The following HSD17B4 variants were observed in gnomAD, a reference collection of about 807,000 sequenced individuals.
The protein encoded by HSD17B4 is peroxisomal multifunctional enzyme type 2.
In HSD17B4, 70 loss-of-function variants were observed where a neutral mutation model predicts 101.0. The observed-to-expected ratio is 0.69, with a 90% CI of 0.57 to 0.85. HSD17B4 has a LOEUF of 0.85. Among genes scored for constraint, HSD17B4 ranks in the 40% least tolerant of loss-of-function variants. HSD17B4 has a pLI of 0.00. For missense variants in HSD17B4, 984 were observed against 892.4 expected, an observed-to-expected ratio of 1.10 and a Z score of -1.31; for synonymous variants, 347 against 297.1, an observed-to-expected ratio of 1.17 and a Z score of -1.73.
chr5:119,474,471 T>C lies in HSD17B4; in HGVS notation c.280+11T>C. The C allele has an allele frequency of 6.4e-7, 1 of 1,565,748 alleles. No individual in the cohort carries two copies. Among genetic ancestry groups the C allele is most frequent in the African/African-American group, 1.4e-5 (1 of 74,062 alleles). ...CTTTTGGAAGAATAGGTGATGTTTC[T>C]TTGTGTTATGGCTCTTGTGGAGCAA... On this transcript the variant is annotated intron_variant, in intron 4 of 23. Transcript: ENST00000510025.
intron 18 of HSD17B4, 131 bp from the exon 19 acceptor site, chr5:119,525,786 G>A (rs1753538875): frequency 1.8e-6 from 1 of 568,990 alleles, no homozygotes. Context: ...TATCTACTGT[G>A]TTTCTTAAAA....
chr5:119,490,679 C>T (rs1271063198), intron 9 of HSD17B4, among the ~76,000 whole-genome samples: 1 of 152,130 alleles, frequency 6.6e-6, no homozygotes, highest in African/African-American at 2.4e-5. Flanking sequence ...AGTGATTCTC[C>T]TGCCTTAGCC....
chr5:119,531,438 G>A, intron 22 of HSD17B4, 34 bp downstream of exon 22: 1 of 1,588,124 alleles, frequency 6.3e-7, no homozygotes, highest in Admixed American at 1.7e-5. Flanking sequence ...AATATTCTAA[G>A]GTAATTCTTA....
At chr5:119,497,238 C>G (rs1371073655) in intron 12 of HSD17B4, among the ~76,000 whole-genome samples, 1 of 152,118 alleles carries the variant, frequency 6.6e-6, no homozygotes, top group Non-Finnish European at 1.5e-5. Context: ...GGTTAGCTGC[C>G]TGAGTGGTGC....
At position 119,509,243 on chromosome 5, in the gene HSD17B4, A is replaced by T; in HGVS notation, c.1436A>T (p.Lys479Met). The change falls in exon 16 of 24, where the codon AAG becomes ATG. Residue 479 changes from lysine to methionine, a missense_variant and splice_region_variant. Transcript: ENST00000510025. Reference sequence around the variant, plus strand: ...GGAAAACGGACATCAGACAAAGTCAAGGTAAGCCATGACTTTGTAAGCAAA... The same window carrying T: ...GGAAAACGGACATCAGACAAAGTCATGGTAAGCCATGACTTTGTAAGCAAA... ...FGGKRTSDKVKVAVAIPNRPP... is the reference protein window; with the variant it reads ...FGGKRTSDKVMVAVAIPNRPP... The T allele has an allele frequency of 6.4e-7, 1 of 1,565,222 alleles. No homozygotes were observed. Among genetic ancestry groups the T allele is most frequent in the Non-Finnish European group, 8.8e-7 (1 of 1,135,388 alleles).
At chr5:119,537,560 G>A (rs1244202658) in intron 23 of HSD17B4, among the ~76,000 whole-genome samples, 3 of 152,100 alleles carry the variant, frequency 2.0e-5, no homozygotes, top group African/African-American at 7.2e-5. Context: ...ACTGTATGGA[G>A]CTTCTTTTAG....
intron 21 of HSD17B4, among the ~76,000 whole-genome samples, chr5:119,530,819 T>TTCTAGC (rs1194911036): frequency 1.5e-5 from 2 of 136,438 alleles, no homozygotes; most frequent in African/African-American, 5.7e-5. Context: ...CACTACTGCA[T>TTCTAGC]TCTAGCCTGG....
In HSD17B4 at chr5:119,454,773, CA is replaced by C. The variant is rs202044393; in HGVS notation, c.59-1541del. Among the ~76,000 whole-genome samples, 469 of 152,134 alleles carry C rather than the reference CA, an allele frequency of 3.1e-3. 14 individuals are homozygous for C. The highest frequency in any genetic ancestry group is 0.028 in the Admixed American group (430 of 15,272). ...AGTAGCTGGGGGTACAGGTGCACAC[CA>C]CCAAGCCCAGCTGATTTTTGTGGTT... On this transcript the variant is annotated intron_variant, in intron 1 of 23. Coordinates refer to ENST00000510025, the MANE Select transcript of HSD17B4 (RefSeq NM_000414.4).
intron 1 of HSD17B4, among the ~76,000 whole-genome samples, chr5:119,453,818 A>G (rs1450110111): frequency 6.6e-6 from 1 of 152,210 alleles, no homozygotes; most frequent in Non-Finnish European, 1.5e-5. Context: ...TTTTAGGAAA[A>G]CATTTTGTTT....
chr5:119,495,801 G>T (rs531801800), intron 11 of HSD17B4: 99 of 164,396 alleles, frequency 6.0e-4, no homozygotes, highest in Non-Finnish European at 1.1e-3. Flanking sequence ...CTCCCAAGTA[G>T]CTGGGATTAC....
At chr5:119,499,055 G>C (rs1373648789) in intron 12 of HSD17B4, among the ~76,000 whole-genome samples, 1 of 152,098 alleles carries the variant, frequency 6.6e-6, no homozygotes, top group Non-Finnish European at 1.5e-5. Flanking sequence ...CTGAATTAGA[G>C]ACAGGAAAGT....
At chr5:119,476,147 A>G (rs1398219562) in intron 6 of HSD17B4, among the ~76,000 whole-genome samples, 2 of 151,992 alleles carry the variant, frequency 1.3e-5, no homozygotes, top group Non-Finnish European at 1.5e-5. Context: ...TTTCTCCTTA[A>G]GAGGTTGTCA....
In HSD17B4 at chr5:119,531,325, T is replaced by G; in HGVS notation, c.1914T>G (p.Ile638Met). The G allele has an allele frequency of 6.2e-7, 1 of 1,613,616 alleles. No individual in the cohort carries two copies. The highest frequency in any genetic ancestry group is 8.5e-7 in the Non-Finnish European group (1 of 1,179,682). The change falls in exon 22 of 24, where the codon ATT (isoleucine) becomes ATG (methionine). Residue 638 changes from isoleucine (I) to methionine (M), a missense_variant. Physicochemically the swap from Ile to Met is conservative, Grantham distance 10. Coordinates refer to ENST00000510025, the MANE Select transcript of HSD17B4 (RefSeq NM_000414.4). ...FEEIGRRLKD[I>M]GPEVVKKVNA... ...AAATAGGACGCCGCCTAAAGGATAT[T>G]GGGCCTGAGGTGGTGAAGAAAGTAA...
intron 2 of HSD17B4, among the ~76,000 whole-genome samples, chr5:119,461,457 A>G (rs1341026499): frequency 6.6e-6 from 1 of 152,246 alleles, no homozygotes; most frequent in Non-Finnish European, 1.5e-5. Flanking sequence ...AATGTGGGGT[A>G]ACAGGCATTC....
At chr5:119,481,602 C>CAAT (rs1749139731) in intron 8 of HSD17B4, among the ~76,000 whole-genome samples, 1 of 152,120 alleles carries the variant, frequency 6.6e-6, no homozygotes, top group Non-Finnish European at 1.5e-5. Flanking sequence ...ATTAGATGTG[C>CAAT]AATAGCATTA....
intron 14 of HSD17B4, among the ~76,000 whole-genome samples, chr5:119,506,616 A>G (rs1163961362): frequency 2.0e-5 from 3 of 152,202 alleles, no homozygotes; most frequent in African/African-American, 7.2e-5. Flanking sequence ...TGGTTGAACT[A>G]ATTTACACTC....
In HSD17B4 at chr5:119,455,542, T is replaced by TTCTC. The variant is rs200829499; in HGVS notation, c.59-749_59-746dup. Among the ~76,000 whole-genome samples the TTCTC allele has an allele frequency of 8.8e-3, 1,225 of 139,328 alleles. 13 individuals carry two copies. The highest frequency in any genetic ancestry group is 0.019 in the East Asian group (90 of 4,770). The allele number at this position is 139,328 out of a possible 152,430, so 91.4% of individuals were successfully genotyped here. A position where few individuals can be genotyped will look rare whatever the true frequency, so the allele number is the denominator to read the frequency against. Reference sequence around the variant, plus strand: ...AAAAAAAAAGAAAAAAAGCAAAACTTTCTCTCTCTCTCTCTCTCTCTCTCT... The same window carrying TTCTC: ...AAAAAAAAAGAAAAAAAGCAAAACTTTCTCTCTCTCTCTCTCTCTCTCTCTCTCT... On this transcript the variant is annotated intron_variant, in intron 1 of 23. Transcript: ENST00000510025.
Position 119,489,171 on chromosome 5 carries a change from T to C in HSD17B4, c.623-21T>C, listed in dbSNP as rs367682712. The C allele has an allele frequency of 7.0e-6, 10 of 1,424,298 alleles. No homozygotes were observed. The African/African-American group carries it at 1.1e-4, about 16-fold the overall frequency. The allele number at this position is 1,424,298 out of a possible 1,614,324, so 88.2% of individuals were successfully genotyped here. A position where few individuals can be genotyped will look rare whatever the true frequency, so the allele number is the denominator to read the frequency against. On this transcript the variant is annotated intron_variant, in intron 8 of 23. Transcript: ENST00000510025. ...AGAAAGTAAAATGATTGATAAGATATGTGTATATTCTTTATTTCAGATCTT... is the reference window on the plus strand; with the variant it reads ...AGAAAGTAAAATGATTGATAAGATACGTGTATATTCTTTATTTCAGATCTT...
In HSD17B4 at chr5:119,478,937, A is replaced by G. The variant is rs1412766896; in HGVS notation, c.538A>G (p.Ile180Val). 1.9e-6 allele frequency: 3 copies of G among 1,613,652 alleles called. No individual in the cohort carries two copies. The highest frequency in any genetic ancestry group is 1.3e-5 in the African/African-American group (1 of 74,886). Residue 180 changes from isoleucine (I) to valine (V), a missense_variant, in exon 8 of 24, where the codon ATT (isoleucine) becomes GTT (valine). Ile to Val is a conservative substitution (Grantham distance 29, BLOSUM62 3). Transcript: ENST00000510025. Reference sequence around the variant, plus strand: ...TCTGGGCCTTGCAAATTCTCTTGCAATTGAAGGCAGGAAAAGCAACATTCA... The same window carrying G: ...TCTGGGCCTTGCAAATTCTCTTGCAGTTGAAGGCAGGAAAAGCAACATTCA... ...GLLGLANSLA[I>V]EGRKSNIHCN...
Sources: allele counts gnomAD v4.1 joint callset (sites outside exome capture counted in the v4.1 genomes callset), GRCh38; gene constraint gnomAD v4.1.1; transcripts MANE v1.5; gene names NCBI Gene and HGNC (gene_info 2026-07-23, HGNC 2026-07-21).